FBXO30: variants seen among roughly 807,000 people sequenced by gnomAD.
FBXO30 encodes F-box protein 30, also known as F-box only protein 30.
Under a neutral mutation model 58.1 loss-of-function variants are expected in FBXO30, and 21 were observed. The observed-to-expected ratio is 0.36, with a 90% confidence interval of 0.26 to 0.52. The LOEUF (loss-of-function observed/expected upper bound fraction) is 0.52, where lower values mean the gene tolerates loss of function less well. FBXO30 is among the 20% of genes least tolerant of loss of function. The probability of loss-of-function intolerance (pLI) is 0.93; values close to 1 mark genes in which losing one functional copy is unlikely to be tolerated. For synonymous variants in FBXO30, 309 were observed against 312.4 expected (o/e 0.99, Z 0.11); for missense variants, 744 against 897.3 (o/e 0.83, Z 2.18).
In FBXO30 at chr6:145,796,248, CA is replaced by C. The variant is rs1777864649; in HGVS notation, c.*3857del. On this transcript the variant is annotated 3_prime_UTR_variant, in exon 3 of 3. Transcript: ENST00000237281. ...ATTATGTAAAAGATGACTTCAAAAG[CA>C]AACCATCTTTCCTTTTCCCTTATTT... is the stretch of plus-strand genomic sequence containing the variant. 6.6e-6 allele frequency: 1 copy of C among 151,910 alleles called. No homozygotes were observed. Among genetic ancestry groups the C allele is most frequent in the African/African-American group, 2.4e-5 (1 of 41,400 alleles). The allele number at this position is 151,910 out of a possible 1,614,324, so 9.4% of individuals were successfully genotyped here.
rs1170780558 is a variant in FBXO30, at chr6:145,804,665, C to G, written c.1741G>C (p.Asp581His). ...PSIQGAKIIH[D>H]RHLRSFGVQP... ...ACTCCAAATGACCTCAAATGGCGGT[C>G]ATGTATAATCTTTGCTCCTTGTATT... The change falls in exon 2 of 3, where the codon GAC (aspartate) becomes CAC (histidine). Residue 581 changes from aspartate (D) to histidine (H), a missense_variant. By Grantham distance (81) the Asp-to-His change is moderately conservative. This residue lies in a region of FBXO30 where 334 missense variants were observed against 433.7 expected (regional missense o/e 0.77). Coordinates refer to ENST00000237281, the MANE Select transcript of FBXO30 (RefSeq NM_032145.5). 2 of 1,613,748 alleles carry G rather than the reference C, an allele frequency of 1.2e-6. No individual in the cohort carries two copies. The highest frequency in any genetic ancestry group is 1.7e-6 in the Non-Finnish European group (2 of 1,179,904).
Position 145,794,481 on chromosome 6 carries a change from T to C in FBXO30, c.*5625A>G, listed in dbSNP as rs1777831877. The C allele has an allele frequency of 1.3e-5, 2 of 151,990 alleles. No homozygotes were observed. The highest frequency in any genetic ancestry group is 2.9e-5 in the Non-Finnish European group (2 of 67,854). The allele number at this position is 151,990 out of a possible 1,614,324, so 9.4% of individuals were successfully genotyped here. A position where few individuals can be genotyped will look rare whatever the true frequency, so the allele number is the denominator to read the frequency against. Reference sequence around the variant, plus strand: ...TTTAGAATTCATCTCCACTGAATTATTAGCCATTCAGAGTAAGTTATTTCA... The same window carrying C: ...TTTAGAATTCATCTCCACTGAATTACTAGCCATTCAGAGTAAGTTATTTCA... On this transcript the variant is annotated 3_prime_UTR_variant, in exon 3 of 3. Coordinates refer to ENST00000237281, the MANE Select transcript of FBXO30 (RefSeq NM_032145.5).
At chr6:145,809,299 T>C (rs1378683566) in intron 1 of FBXO30, among the ~76,000 whole-genome samples, 1 of 152,184 alleles carries the variant, frequency 6.6e-6, no homozygotes. Context: ...CAGCTGTAGC[T>C]TTCTTATTTT....
At chr6:145,813,202 C>T (rs1171566868) in intron 1 of FBXO30, among the ~76,000 whole-genome samples, 1 of 151,696 alleles carries the variant, frequency 6.6e-6, no homozygotes, top group Non-Finnish European at 1.5e-5. Context: ...AATGCTAGAC[C>T]GGGAGAAATA....
rs367570143 is a variant in FBXO30, at chr6:145,804,761, C to T, written c.1645G>A (p.Gly549Ser). 2.5e-6 allele frequency: 4 copies of T among 1,613,958 alleles called. No homozygotes were observed. The highest frequency in any genetic ancestry group is 4.5e-5 in the East Asian group (2 of 44,876). Residue 549 changes from glycine to serine, a missense_variant, in exon 2 of 3, where the codon GGC (glycine) becomes AGC (serine). This residue lies in a region of FBXO30 where 334 missense variants were observed against 433.7 expected (regional missense o/e 0.77). Transcript: ENST00000237281. ...AAAGGGCACCTCTGTTCCATCCAGC[C>T]ATTGAGTCCAGCATGAATGTCACCA... ...VHGDIHAGLN[G>S]WMEQRCPLAY...
intron 1 of FBXO30, among the ~76,000 whole-genome samples, chr6:145,810,207 T>C (rs1192584694): frequency 6.6e-6 from 1 of 152,154 alleles, no homozygotes; most frequent in Non-Finnish European, 1.5e-5. Flanking sequence ...GAGGAGTGAA[T>C]TTCAATTCCA....
At chr6:145,806,663 C>G (rs1778179853) in intron 1 of FBXO30, among the ~76,000 whole-genome samples, 1 of 152,086 alleles carries the variant, frequency 6.6e-6, no homozygotes, top group African/African-American at 2.4e-5. Context: ...TTTTTATATA[C>G]TATATAACAA....
At chr6:145,801,389 TTGTG>T (rs145499061) in intron 2 of FBXO30, among the ~76,000 whole-genome samples, 5 of 150,714 alleles carry the variant, frequency 3.3e-5, no homozygotes, top group Admixed American at 6.6e-5. Context: ...TTATGAGATT[TTGTG>T]TGTGTGTGTG....
rs190920043 is a variant in FBXO30, at chr6:145,796,518, C to G, written c.*3588G>C. On this transcript the variant is annotated 3_prime_UTR_variant, in exon 3 of 3. Transcript: ENST00000237281. ...CACCTATCAGAGAAATTCTTTCCATCAAAAGTCTGTCCAGAGAATGAGGGC... is the reference window on the plus strand; with the variant it reads ...CACCTATCAGAGAAATTCTTTCCATGAAAAGTCTGTCCAGAGAATGAGGGC... 6.6e-6 allele frequency: 1 copy of G among 151,980 alleles called. No individual in the cohort carries two copies. The highest frequency in any genetic ancestry group is 1.5e-5 in the Non-Finnish European group (1 of 67,902). 9.4% of individuals were successfully genotyped at this position (151,980 alleles called of 1,614,324 possible). A position where few individuals can be genotyped will look rare whatever the true frequency, so the allele number is the denominator to read the frequency against.
In FBXO30 at chr6:145,793,537, TACA is replaced by T. The variant is rs963454251; in HGVS notation, c.*6566_*6568del. The T allele has an allele frequency of 1.3e-5, 2 of 152,034 alleles. No individual in the cohort carries two copies. Among genetic ancestry groups the T allele is most frequent in the African/African-American group, 2.4e-5 (1 of 41,422 alleles). 9.4% of individuals were successfully genotyped at this position (152,034 alleles called of 1,614,324 possible). On this transcript the variant is annotated 3_prime_UTR_variant, in exon 3 of 3. Coordinates refer to ENST00000237281, the MANE Select transcript of FBXO30 (RefSeq NM_032145.5). Reference sequence around the variant, plus strand: ...TACAATTTATTTAGTCTTACTCTAATACAACAAGTTGCATTTGTTCTTTAAAAG... The same window carrying T: ...TACAATTTATTTAGTCTTACTCTAATACAAGTTGCATTTGTTCTTTAAAAG...
rs1439177470 is a variant in FBXO30 at position 145,796,785 on chromosome 6, G to A, written c.*3321C>T. The A allele has an allele frequency of 2.0e-5, 3 of 151,808 alleles. No homozygotes were observed. Among genetic ancestry groups the A allele is most frequent in the African/African-American group, 7.3e-5 (3 of 41,354 alleles). 9.4% of individuals were successfully genotyped at this position (151,808 alleles called of 1,614,324 possible). On this transcript the variant is annotated 3_prime_UTR_variant, in exon 3 of 3. Transcript: ENST00000237281. ...AATCTCCACAGGCAAAACTGTTATC[G>A]ATATAGTAATATAAACTACCATATC...
In FBXO30 at chr6:145,805,732, C is replaced by T; in HGVS notation, c.674G>A (p.Arg225Lys). The change falls in exon 2 of 3, where the codon AGA becomes AAA. Residue 225 changes from arginine to lysine, a missense_variant. Coordinates refer to ENST00000237281, the MANE Select transcript of FBXO30 (RefSeq NM_032145.5). ...CAAGTTTTGATCCTCTAAGCTTTCT[C>T]TCGCATTTTGCTGTTCATCCATGTC... is the stretch of plus-strand genomic sequence containing the variant. ...PNDMDEQQNA[R>K]ESLEDQNLKD... The T allele has an allele frequency of 6.2e-7, 1 of 1,614,046 alleles. No individual in the cohort carries two copies. The highest frequency in any genetic ancestry group is 8.5e-7 in the Non-Finnish European group (1 of 1,179,980).
chr6:145,812,320 A>G (rs1778356053), intron 1 of FBXO30, among the ~76,000 whole-genome samples: 1 of 152,182 alleles, frequency 6.6e-6, no homozygotes, highest in Admixed American at 6.5e-5. Flanking sequence ...CCACTAAATA[A>G]GTAAATGAAA....
At chr6:145,809,155 TATAA>T (rs1415928160) in intron 1 of FBXO30, among the ~76,000 whole-genome samples, 2 of 152,164 alleles carry the variant, frequency 1.3e-5, no homozygotes, top group Non-Finnish European at 2.9e-5. Context: ...TATAGAAATA[TATAA>T]ATAGACATAC....
chr6:145,794,755 A>G lies in FBXO30; in HGVS notation c.*5351T>C, dbSNP rs1777836923. ...ATGCTGATACTTGTTAGATTCAGCA[A>G]TACTTGCTGATTTTTGAAGAAAAAA... is the stretch of plus-strand genomic sequence containing the variant. On this transcript the variant is annotated 3_prime_UTR_variant, in exon 3 of 3. Transcript: ENST00000237281. The G allele has an allele frequency of 6.6e-6, 1 of 151,858 alleles. No individual in the cohort carries two copies. Among genetic ancestry groups the G allele is most frequent in the South Asian group, 2.1e-4 (1 of 4,822 alleles). The allele number at this position is 151,858 out of a possible 1,614,324, so 9.4% of individuals were successfully genotyped here.
At chr6:145,800,344 C>T (rs1175625421) in intron 2 of FBXO30, 35 bp from the exon 3 acceptor site, 1 of 1,570,314 alleles carries the variant, frequency 6.4e-7, no homozygotes, top group Non-Finnish European at 8.7e-7. Flanking sequence ...TTAAACAAGT[C>T]AATGTGTAGA....
rs1777930042 is a variant in FBXO30 at position 145,799,368 on chromosome 6, T to C, written c.*738A>G. ...TATAATACCAGGAGCAGTTTCAAAT[T>C]AAATTATATTCACAGGCTTGCTTTT... On this transcript the variant is annotated 3_prime_UTR_variant, in exon 3 of 3. Transcript: ENST00000237281. 1 of 152,308 alleles carries C rather than the reference T, an allele frequency of 6.6e-6. No individual in the cohort carries two copies. The highest frequency in any genetic ancestry group is 6.6e-5 in the Admixed American group (1 of 15,244). The allele number at this position is 152,308 out of a possible 1,614,324, so 9.4% of individuals were successfully genotyped here. A position where few individuals can be genotyped will look rare whatever the true frequency, so the allele number is the denominator to read the frequency against.
chr6:145,804,821 T>C lies in FBXO30; in HGVS notation c.1585A>G (p.Arg529Gly). The C allele has an allele frequency of 6.2e-7, 1 of 1,613,974 alleles. No individual in the cohort carries two copies. The highest frequency in any genetic ancestry group is 8.5e-7 in the Non-Finnish European group (1 of 1,179,908). The change falls in exon 2 of 3, where the codon AGG becomes GGG. Residue 529 changes from arginine (R) to glycine (G), a missense_variant. Transcript: ENST00000237281. The part of the protein sequence containing the change: ...FTFVCGQLFR[R>G]KEFSSHFKNV... Reference sequence around the variant, plus strand: ...TTAAAGTGGGAAGAAAATTCTTTCCTTCTAAATAACTGTCCACACACAAAG... The same window carrying C: ...TTAAAGTGGGAAGAAAATTCTTTCCCTCTAAATAACTGTCCACACACAAAG...
In FBXO30 at chr6:145,806,063, C is replaced by T. The variant is rs762311823; in HGVS notation, c.343G>A (p.Asp115Asn). ...KSYENLSRDV[D>N]EVAQLDMALA... ...GCCATATCCAATTGTGCCACTTCAT[C>T]GACATCTCTGCTTAGATTTTCATAT... The change falls in exon 2 of 3, where the codon GAT becomes AAT. Residue 115 changes from aspartate (D) to asparagine (N), a missense_variant. By Grantham distance (23) the Asp-to-Asn change is conservative. Around this residue, in one of 3 missense-constraint regions of FBXO30, gnomAD observed 135 missense variants for 201.6 expected, o/e 0.67. Transcript: ENST00000237281. 4.3e-6 allele frequency: 7 copies of T among 1,613,920 alleles called. No individual in the cohort carries two copies. The highest frequency in any genetic ancestry group is 5.1e-6 in the Non-Finnish European group (6 of 1,179,996).
Sources: gnomAD v4.1 joint callset for allele counts (sites outside exome capture counted in the v4.1 genomes callset) on GRCh38, gnomAD v4.1.1 for gene constraint, gnomAD v4.1.1 regional missense constraint, MANE v1.5 for transcripts, NCBI Gene and HGNC (gene_info 2026-07-23, HGNC 2026-07-21) for gene names.